LRRTM3: variants seen among roughly 807,000 people sequenced by gnomAD.
LRRTM3 encodes leucine-rich repeat transmembrane neuronal protein 3.
In LRRTM3, 24 loss-of-function variants were observed where a neutral mutation model predicts 44.7. That is an observed-to-expected ratio of 0.54 (90% CI 0.39 to 0.76). The LOEUF is 0.76. LRRTM3 is among the 30% of genes least tolerant of loss of function. The pLI is 0.00. For synonymous variants in LRRTM3, 277 were observed against 278.7 expected (o/e 0.99, Z 0.06); for missense variants, 587 against 702.2 (o/e 0.84, Z 1.85).
intron 2 of LRRTM3, among the ~76,000 whole-genome samples, chr10:67,000,360 C>T (rs1027375170): frequency 2.0e-4 from 30 of 152,084 alleles, no homozygotes; most frequent in African/African-American, 5.8e-4. Flanking sequence ...CAGCTGATGA[C>T]GAAAGTTGAT....
intron 2 of LRRTM3, among the ~76,000 whole-genome samples, chr10:67,080,936 C>CAA (rs58476986): frequency 1.6e-4 from 5 of 31,428 alleles, no homozygotes; most frequent in African/African-American, 8.8e-4. Context: ...AAAAAAACAA[C>CAA]AAAAAAAAAA....
At chr10:66,982,411 C>T (rs1007029301) in intron 2 of LRRTM3, among the ~76,000 whole-genome samples, 1 of 152,120 alleles carries the variant, frequency 6.6e-6, no homozygotes, top group African/African-American at 2.4e-5. Context: ...AGTTTTTTCA[C>T]CTCTAACCAA....
At chr10:67,044,483 T>C (rs16923970) in intron 2 of LRRTM3, among the ~76,000 whole-genome samples, 3,057 of 152,138 alleles carry the variant, frequency 0.02, 108 homozygotes, top group African/African-American at 0.069. Flanking sequence ...TTAAATGCAA[T>C]GTTAGAAAGA....
At chr10:66,980,240 A>C (rs1036160702) in intron 2 of LRRTM3, among the ~76,000 whole-genome samples, 6 of 152,184 alleles carry the variant, frequency 3.9e-5, no homozygotes, top group Admixed American at 2.6e-4. Context: ...GTCAATTACT[A>C]ATTTAGAGAC....
chr10:66,988,869 T>TAC (rs780064158), intron 2 of LRRTM3, among the ~76,000 whole-genome samples: 1 of 151,866 alleles, frequency 6.6e-6, no homozygotes, highest in Non-Finnish European at 1.5e-5. Context: ...CTCTCCACCC[T>TAC]ACACACACAC....
chr10:66,993,663 T>C (rs1851161553), intron 2 of LRRTM3, among the ~76,000 whole-genome samples: 1 of 148,884 alleles, frequency 6.7e-6, no homozygotes, highest in Non-Finnish European at 1.5e-5. Flanking sequence ...ATTGAGTACC[T>C]ACTATGCTCT....
At chr10:67,028,988 C>A (rs766891390) in intron 2 of LRRTM3, among the ~76,000 whole-genome samples, 1 of 152,154 alleles carries the variant, frequency 6.6e-6, no homozygotes, top group East Asian at 1.9e-4. Context: ...GCAATCATAT[C>A]GCAACTCCCC....
chr10:67,033,954 T>G (rs774812250), intron 2 of LRRTM3, among the ~76,000 whole-genome samples: 9 of 152,112 alleles, frequency 5.9e-5, no homozygotes, highest in Non-Finnish European at 1.0e-4. Context: ...GTATTTTTAA[T>G]AGAGACCAGG....
intron 2 of LRRTM3, among the ~76,000 whole-genome samples, chr10:67,074,178 AC>A (rs1197867916): frequency 2.0e-5 from 3 of 150,622 alleles, no homozygotes; most frequent in Admixed American, 6.6e-5. Context: ...GACTATAGGC[AC>A]GTGCCACCAT....
chr10:67,027,785 T>A (rs572702358), intron 2 of LRRTM3, among the ~76,000 whole-genome samples: 60 of 152,300 alleles, frequency 3.9e-4, no homozygotes, highest in South Asian at 1.0e-3. Context: ...ACATATAATA[T>A]GTCCACCAGA....
At chr10:66,966,147 T>G (rs1309262914) in intron 2 of LRRTM3, among the ~76,000 whole-genome samples, 1 of 151,864 alleles carries the variant, frequency 6.6e-6, no homozygotes, top group African/African-American at 2.4e-5. Context: ...TGAAAAATAG[T>G]GAAGCTTCTG....
At chr10:67,095,648 G>T (rs896882078) in intron 2 of LRRTM3, among the ~76,000 whole-genome samples, 1 of 151,796 alleles carries the variant, frequency 6.6e-6, no homozygotes, top group African/African-American at 2.4e-5. Flanking sequence ...ATTCACAGTA[G>T]AGTTAATTCT....
intron 2 of LRRTM3, among the ~76,000 whole-genome samples, chr10:67,058,241 A>G: frequency 6.6e-6 from 1 of 152,162 alleles, no homozygotes; most frequent in Non-Finnish European, 1.5e-5. Context: ...ACAACTTACA[A>G]AAGTATTCTG....
At chr10:67,004,090 T>TA (rs533856596) in intron 2 of LRRTM3, among the ~76,000 whole-genome samples, 35 of 145,466 alleles carry the variant, frequency 2.4e-4, no homozygotes, top group South Asian at 4.4e-4. Flanking sequence ...ATTTTGATGT[T>TA]AAAAAAAAAA....
Position 66,941,010 on chromosome 10 carries a change from T to A in LRRTM3, c.1536+12558T>A, listed in dbSNP as rs551627473. ...TAGAGTTAATTAAACCTTCTCCACC[T>A]GTAATTTAATAAAAAAAAGAAAGCC... On this transcript the variant is annotated intron_variant, in intron 2 of 2. Transcript: ENST00000361320. Among the ~76,000 whole-genome samples the A allele has an allele frequency of 2.0e-5, 3 of 152,282 alleles. No individual in the cohort carries two copies. In the South Asian group the frequency reaches 6.2e-4, roughly 32 times the overall value.
intron 2 of LRRTM3, among the ~76,000 whole-genome samples, chr10:66,948,120 T>C (rs11815256): frequency 8.9e-4 from 136 of 152,314 alleles, no homozygotes; most frequent in African/African-American, 3.2e-3. Context: ...CACCATCATA[T>C]ATGTAGTCCC....
chr10:66,997,471 C>CATAT (rs1851419848), intron 2 of LRRTM3, among the ~76,000 whole-genome samples: 3 of 152,186 alleles, frequency 2.0e-5, no homozygotes, highest in Admixed American at 1.3e-4. Context: ...ATTTCAAAGG[C>CATAT]ATATCTAGAA....
chr10:66,982,716 A>C (rs1850510956), intron 2 of LRRTM3, among the ~76,000 whole-genome samples: 1 of 152,230 alleles, frequency 6.6e-6, no homozygotes, highest in African/African-American at 2.4e-5. Flanking sequence ...TAAGCTAAGT[A>C]ATAAGACAAG....
At chr10:67,004,220 C>T (rs1031451580) in intron 2 of LRRTM3, among the ~76,000 whole-genome samples, 3 of 152,038 alleles carry the variant, frequency 2.0e-5, no homozygotes, top group African/African-American at 7.2e-5. Flanking sequence ...ATTTTGATTT[C>T]TACAAAAAAG....
Sources: allele counts gnomAD v4.1 joint callset (sites outside exome capture counted in the v4.1 genomes callset), GRCh38; gene constraint gnomAD v4.1.1; transcripts MANE v1.5; gene names NCBI Gene and HGNC (gene_info 2026-07-23, HGNC 2026-07-21).